CCDC178: variants seen among roughly 807,000 people sequenced by gnomAD.
CCDC178 encodes coiled-coil domain containing 178, also known as coiled-coil domain-containing protein 178.
In CCDC178, 126 loss-of-function variants were observed where a neutral mutation model predicts 117.4. That is an observed-to-expected ratio of 1.07 (90% CI 0.93 to 1.24). The LOEUF is 1.24. Ranked by LOEUF, CCDC178 falls within the 50% of genes most tolerant of loss-of-function variation. The pLI, the probability that CCDC178 is intolerant of heterozygous loss-of-function variation, is 0.00. For missense variants in CCDC178, 1,030 were observed against 986.9 expected (o/e 1.04, Z -0.59); for synonymous variants, 283 against 313.4 (o/e 0.90, Z 1.02).
intron 21 of CCDC178, among the ~76,000 whole-genome samples, chr18:33,074,237 A>G (rs2057164607): frequency 6.6e-6 from 1 of 152,094 alleles, no homozygotes; most frequent in African/African-American, 2.4e-5. Context: ...ATATTAAAGC[A>G]TGCACATCAT....
At chr18:33,260,616 T>C (rs1219543981) in intron 14 of CCDC178, among the ~76,000 whole-genome samples, 1 of 151,916 alleles carries the variant, frequency 6.6e-6, no homozygotes, top group Non-Finnish European at 1.5e-5. Context: ...TCAGTTTTTT[T>C]CTCTATGATG....
At chr18:32,950,861 C>T (rs542525578) in intron 22 of CCDC178, among the ~76,000 whole-genome samples, 1 of 152,240 alleles carries the variant, frequency 6.6e-6, no homozygotes, top group South Asian at 2.1e-4. Flanking sequence ...GAGTTTTAGA[C>T]TTCTATAGCT....
At chr18:33,002,933 T>C (rs1289257547) in intron 21 of CCDC178, among the ~76,000 whole-genome samples, 2 of 152,026 alleles carry the variant, frequency 1.3e-5, no homozygotes, top group African/African-American at 2.4e-5. Flanking sequence ...CTAGAAGAAA[T>C]GGATAAATTC....
chr18:33,037,220 A>C (rs543700156), intron 21 of CCDC178, among the ~76,000 whole-genome samples: 1 of 152,178 alleles, frequency 6.6e-6, no homozygotes, highest in South Asian at 2.1e-4. Context: ...GCACCAAGGC[A>C]TTAATAGACT....
intron 21 of CCDC178, among the ~76,000 whole-genome samples, chr18:32,979,403 CCCT>C (rs1364950333): frequency 2.6e-5 from 4 of 152,108 alleles, no homozygotes; most frequent in African/African-American, 9.7e-5. Flanking sequence ...AGGTGATCTG[CCCT>C]CCTCAGCCTC....
chr18:33,379,448 T>C (rs1394673707), intron 5 of CCDC178, among the ~76,000 whole-genome samples: 1 of 152,154 alleles, frequency 6.6e-6, no homozygotes, highest in Non-Finnish European at 1.5e-5. Context: ...GGAGAAGCTC[T>C]TTTTTTGCTT....
chr18:33,050,342 T>C (rs1415443644), intron 21 of CCDC178, among the ~76,000 whole-genome samples: 1 of 152,210 alleles, frequency 6.6e-6, no homozygotes, highest in Non-Finnish European at 1.5e-5. Context: ...CCGCCGAAGT[T>C]TGAAATCACA....
intron 21 of CCDC178, among the ~76,000 whole-genome samples, chr18:33,083,346 A>C (rs1233016126): frequency 1.3e-5 from 2 of 152,214 alleles, no homozygotes; most frequent in Non-Finnish European, 2.9e-5. Context: ...AATGTTCCTT[A>C]GAGATAAAGG....
chr18:32,939,748 C>G (rs1393526597), intron 22 of CCDC178, among the ~76,000 whole-genome samples: 1 of 152,096 alleles, frequency 6.6e-6, no homozygotes, highest in Non-Finnish European at 1.5e-5. Context: ...CAGATAGGAG[C>G]ATGGTAGATG....
rs1297311089 is a variant in CCDC178 at position 32,938,023 on chromosome 18, T to C, written c.2592A>G (p.Glu864=). Residue 864 remains glutamate, a synonymous_variant, in exon 23 of 23, where the codon GAA becomes GAG. Coordinates refer to ENST00000383096, the MANE Select transcript of CCDC178 (RefSeq NM_001105528.4). ...FFQTLTDGTC[E]NDG ...ATTGGTTGTTTGCTTAACCATCGTT[T>C]TCGCATGTGCCATCTGTCAAAGTCT... 6.2e-7 allele frequency: 1 copy of C among 1,613,048 alleles called. No individual in the cohort carries two copies. Among genetic ancestry groups the C allele is most frequent in the Non-Finnish European group, 8.5e-7 (1 of 1,179,136 alleles).
intron 21 of CCDC178, among the ~76,000 whole-genome samples, chr18:33,019,896 T>C (rs1054567787): frequency 6.1e-5 from 9 of 147,952 alleles, no homozygotes; most frequent in Non-Finnish European, 1.2e-4. Context: ...ATTCATTTCA[T>C]GATCCTCTTA....
intron 14 of CCDC178, among the ~76,000 whole-genome samples, chr18:33,248,123 G>C (rs559557787): frequency 3.6e-4 from 55 of 151,866 alleles, no homozygotes; most frequent in African/African-American, 1.3e-3. Context: ...ACAAAGTGAT[G>C]TAATAAATGC....
At position 33,187,754 on chromosome 18, in the gene CCDC178, T is replaced by A. The variant is rs139760419; in HGVS notation, c.2238+24142A>T. Among the ~76,000 whole-genome samples the A allele has an allele frequency of 1.7e-3, 264 of 152,248 alleles. 2 individuals are homozygous for A. The highest frequency in any genetic ancestry group is 5.4e-3 in the African/African-American group (226 of 41,558). ...CATTCAAAGTATTTTCTTGAGCAGATAGAAGAATCTCCATTTGAGTGGTGA... is the reference window on the plus strand; with the variant it reads ...CATTCAAAGTATTTTCTTGAGCAGAAAGAAGAATCTCCATTTGAGTGGTGA... On this transcript the variant is annotated intron_variant, in intron 20 of 22. Transcript: ENST00000383096.
intron 22 of CCDC178, among the ~76,000 whole-genome samples, chr18:32,960,753 G>C (rs1027816936): frequency 6.6e-6 from 1 of 151,978 alleles, no homozygotes; most frequent in Non-Finnish European, 1.5e-5. Flanking sequence ...ATGCCCCTTG[G>C]ATTGTCAATT....
At chr18:33,429,584 G>C (rs2064177111) in intron 2 of CCDC178, among the ~76,000 whole-genome samples, 4 of 152,086 alleles carry the variant, frequency 2.6e-5, no homozygotes, top group Non-Finnish European at 5.9e-5. Flanking sequence ...TCCTATAAGG[G>C]ATAGAAAATA....
chr18:33,265,598 A>G (rs1387463829), intron 14 of CCDC178, among the ~76,000 whole-genome samples: 1 of 151,990 alleles, frequency 6.6e-6, no homozygotes, highest in Non-Finnish European at 1.5e-5. Context: ...AAGTACTACT[A>G]CTGTATTTGA....
intron 21 of CCDC178, among the ~76,000 whole-genome samples, chr18:33,029,847 G>A (rs2056300995): frequency 6.6e-6 from 1 of 151,746 alleles, no homozygotes; most frequent in African/African-American, 2.4e-5. Context: ...TTCAGAGACT[G>A]TACTTTGTAT....
intron 20 of CCDC178, among the ~76,000 whole-genome samples, chr18:33,194,649 A>G (rs889999156): frequency 2.0e-5 from 3 of 152,092 alleles, no homozygotes; most frequent in South Asian, 2.1e-4. Context: ...TTTGCTTTCT[A>G]TGATGAAATC....
Position 33,266,902 on chromosome 18 carries a change from A to T in CCDC178, c.1409+14T>A. The T allele has an allele frequency of 6.6e-7, 1 of 1,517,512 alleles. No homozygotes were observed. Among genetic ancestry groups the T allele is most frequent in the Non-Finnish European group, 8.9e-7 (1 of 1,117,398 alleles). 94.0% of individuals were successfully genotyped at this position (1,517,512 alleles called of 1,614,324 possible). A position where few individuals can be genotyped will look rare whatever the true frequency, so the allele number is the denominator to read the frequency against. On this transcript the variant is annotated intron_variant, in intron 14 of 22. Coordinates refer to ENST00000383096, the MANE Select transcript of CCDC178 (RefSeq NM_001105528.4). ...GATTATGGTATATAAGAAGAAAAGT[A>T]TTTGCAAATTTACCTTTCATTGGTT... is the stretch of plus-strand genomic sequence containing the variant.
Sources: allele counts gnomAD v4.1 joint callset (sites outside exome capture counted in the v4.1 genomes callset), GRCh38; gene constraint gnomAD v4.1.1; transcripts MANE v1.5; gene names NCBI Gene and HGNC (gene_info 2026-07-23, HGNC 2026-07-21).